DCC: variants seen among roughly 807,000 people sequenced by gnomAD.
The protein encoded by DCC is netrin receptor DCC.
Under a neutral mutation model 172.5 loss-of-function variants are expected in DCC, and 58 were observed. The observed-to-expected ratio is 0.34, with a 90% CI of 0.27 to 0.42. The LOEUF is 0.42. Among genes scored for constraint, DCC ranks in the 10% least tolerant of loss-of-function variants. DCC has a pLI of 1.00. For synonymous variants in DCC, 709 were observed against 644.5 expected (o/e 1.10, Z -1.52); for missense variants, 1,740 against 1,791.0 (o/e 0.97, Z 0.51).
intron 28 of DCC, among the ~76,000 whole-genome samples, chr18:53,527,877 GA>G (rs1461242403): frequency 6.6e-6 from 1 of 151,788 alleles, no homozygotes; most frequent in Non-Finnish European, 1.5e-5. Flanking sequence ...CACTAGAAGA[GA>G]AAAAAGATGA....
chr18:52,818,418 TA>T (rs55812629), intron 2 of DCC, among the ~76,000 whole-genome samples: 24,616 of 97,100 alleles, frequency 0.25, 2,254 homozygotes, highest in Middle Eastern at 0.39. Context: ...TCTCAAAAAG[TA>T]AAAAAAAAAA....
At chr18:53,520,283 G>C (rs1372295241) in intron 27 of DCC, among the ~76,000 whole-genome samples, 1 of 152,096 alleles carries the variant, frequency 6.6e-6, no homozygotes, top group Non-Finnish European at 1.5e-5. Flanking sequence ...CCAGTATCCT[G>C]TTTGGATTGG....
chr18:52,524,327 T>C (rs1171953926), intron 1 of DCC, among the ~76,000 whole-genome samples: 2 of 152,222 alleles, frequency 1.3e-5, no homozygotes, highest in Non-Finnish European at 2.9e-5. Context: ...AGCCCTGGTA[T>C]ACAAAAAATA....
chr18:52,512,799 G>A (rs1372006533), intron 1 of DCC, among the ~76,000 whole-genome samples: 1 of 152,152 alleles, frequency 6.6e-6, no homozygotes, highest in African/African-American at 2.4e-5. Flanking sequence ...ATTGACAGTG[G>A]TTACTGTTTT....
chr18:53,320,280 GC>G lies in DCC; in HGVS notation c.2054-1765del, dbSNP rs751916762. ...GTAGAGACGGGGTTCCACCGTGTTA[GC>G]CAGGATGGTCTCGATCTCCTGACTT... On this transcript the variant is annotated intron_variant, in intron 13 of 28. Transcript: ENST00000442544. Among the ~76,000 whole-genome samples, 10 of 152,062 alleles carry G rather than the reference GC, an allele frequency of 6.6e-5. No homozygotes were observed. In the East Asian group the frequency reaches 1.4e-3, roughly 21 times the overall value.
intron 13 of DCC, among the ~76,000 whole-genome samples, chr18:53,319,017 T>C (rs1282156885): frequency 1.3e-5 from 2 of 152,126 alleles, no homozygotes; most frequent in African/African-American, 4.8e-5. Flanking sequence ...AAACTAAGTT[T>C]CATAAGCAAA....
chr18:53,503,864 T>TTTACACACATATATTTA lies in DCC; in HGVS notation c.4111+4356_4111+4372dup, dbSNP rs368029179. 2.2e-3 allele frequency among the ~76,000 whole-genome samples: 337 copies of TTTACACACATATATTTA among 152,320 alleles called. 4 individuals are homozygous for TTTACACACATATATTTA. Among genetic ancestry groups the TTTACACACATATATTTA allele is most frequent in the African/African-American group, 7.8e-3 (325 of 41,566 alleles). ...ATTTTCCTTCATTTACACATTGCAT[T>TTTACACACATATATTTA]TTACACACATATATTTATAAAAGCA... On this transcript the variant is annotated intron_variant, in intron 27 of 28. Transcript: ENST00000442544.
intron 1 of DCC, among the ~76,000 whole-genome samples, chr18:52,739,398 G>A (rs1048691541): frequency 1.3e-5 from 2 of 152,036 alleles, no homozygotes; most frequent in Non-Finnish European, 2.9e-5. Context: ...TCTGAAATAG[G>A]CAAGGGTTCC....
intron 2 of DCC, among the ~76,000 whole-genome samples, chr18:52,792,601 G>A (rs953789411): frequency 1.1e-4 from 16 of 152,204 alleles, no homozygotes; most frequent in Non-Finnish European, 2.1e-4. Context: ...AAACCCATAG[G>A]TATTGGGGGA....
At chr18:52,931,019 G>A (rs2145502171) in intron 5 of DCC, among the ~76,000 whole-genome samples, 1 of 68,856 alleles carries the variant, frequency 1.5e-5, no homozygotes, top group South Asian at 4.2e-4. Context: ...CTTTTTGTCT[G>A]TTTTTAAGGG....
intron 5 of DCC, among the ~76,000 whole-genome samples, chr18:52,929,088 A>G (rs1244045590): frequency 1.3e-5 from 2 of 152,154 alleles, no homozygotes; most frequent in African/African-American, 2.4e-5. Flanking sequence ...TGGTGAGGTC[A>G]GAAGTCATTC....
chr18:52,995,992 T>C (rs983231528), intron 5 of DCC, among the ~76,000 whole-genome samples: 5 of 151,992 alleles, frequency 3.3e-5, no homozygotes, highest in African/African-American at 1.2e-4. Flanking sequence ...AGACTGTTCA[T>C]ACCACTTTAG....
chr18:52,404,440 C>T (rs889766047), intron 1 of DCC, among the ~76,000 whole-genome samples: 5 of 149,636 alleles, frequency 3.3e-5, no homozygotes, highest in Admixed American at 6.6e-5. Context: ...GTGCCTTCCT[C>T]CTGCTGCATA....
intron 7 of DCC, among the ~76,000 whole-genome samples, chr18:53,098,814 C>T (rs1028247904): frequency 2.0e-5 from 3 of 152,034 alleles, no homozygotes; most frequent in Non-Finnish European, 4.4e-5. Flanking sequence ...TGAGACCAGC[C>T]TCAGTCACAT....
chr18:53,418,118 T>C (rs904613157), intron 21 of DCC, among the ~76,000 whole-genome samples: 2 of 152,312 alleles, frequency 1.3e-5, no homozygotes, highest in Non-Finnish European at 2.9e-5. Context: ...ATATGTAACT[T>C]GGAGCCATAT....
chr18:52,632,873 T>A (rs563436242), intron 1 of DCC, among the ~76,000 whole-genome samples: 2 of 152,368 alleles, frequency 1.3e-5, no homozygotes, highest in Admixed American at 1.3e-4. Flanking sequence ...ATTGCCCTTT[T>A]CATTTCTAAA....
At chr18:52,469,439 T>C (rs1375921443) in intron 1 of DCC, among the ~76,000 whole-genome samples, 1 of 152,162 alleles carries the variant, frequency 6.6e-6, no homozygotes, top group Non-Finnish European at 1.5e-5. Flanking sequence ...TTAGACAATA[T>C]AACCATCTTA....
At chr18:52,440,221 T>G (rs1987932814) in intron 1 of DCC, among the ~76,000 whole-genome samples, 1 of 152,166 alleles carries the variant, frequency 6.6e-6, no homozygotes, top group Non-Finnish European at 1.5e-5. Context: ...AAGGATGGGA[T>G]CTTCAAGAGA....
At chr18:53,255,192 T>C (rs1470139812) in intron 12 of DCC, among the ~76,000 whole-genome samples, 2 of 151,880 alleles carry the variant, frequency 1.3e-5, no homozygotes, top group African/African-American at 2.4e-5. Context: ...TTGTCTTGGA[T>C]ATGTGGGGAG....
Sources: gnomAD v4.1 joint callset for allele counts (sites outside exome capture counted in the v4.1 genomes callset) on GRCh38, gnomAD v4.1.1 for gene constraint, MANE v1.5 for transcripts, NCBI Gene and HGNC (gene_info 2026-07-23, HGNC 2026-07-21) for gene names.